The following IQCJ variants were observed in gnomAD, a reference collection of about 807,000 sequenced individuals.
The protein encoded by IQCJ is IQ domain-containing protein J.
IQCJ carries 9 observed loss-of-function variants against 11.0 expected under a neutral mutation model. The ratio of observed to expected loss-of-function variants is 0.82; its 90% CI spans 0.49 to 1.43. The LOEUF (loss-of-function observed/expected upper bound fraction) is 1.43. IQCJ is among the 40% of genes most tolerant of loss of function. The pLI, the probability that IQCJ is intolerant of heterozygous loss-of-function variation, is 0.00. For missense variants in IQCJ, 146 were observed against 133.2 expected, an observed-to-expected ratio of 1.10 and a Z score of -0.47; for synonymous variants, 55 against 51.3, an observed-to-expected ratio of 1.07 and a Z score of -0.31.
intron 1 of IQCJ, among the ~76,000 whole-genome samples, chr3:159,204,451 T>G (rs986975337): frequency 6.6e-6 from 1 of 152,230 alleles, no homozygotes; most frequent in South Asian, 2.1e-4. Flanking sequence ...ACAGTTGAAG[T>G]TGGCCAGTCA....
Position 159,121,015 on chromosome 3 carries a change from A to C in IQCJ, c.9+51574A>C, listed in dbSNP as rs370016308. On this transcript the variant is annotated intron_variant, in intron 1 of 3. Transcript: ENST00000397832. The stretch of plus-strand genomic sequence containing the variant: ...GTTAGTTGAGCCTGTCCCATTTAAC[A>C]AGTAGCTCTGAAGTCCCTTCTGGTA... Among the ~76,000 whole-genome samples, 3 of 152,302 alleles carry C rather than the reference A, an allele frequency of 2.0e-5. No homozygotes were observed. The East Asian group carries it at 5.8e-4, about 29-fold the overall frequency.
intron 1 of IQCJ, among the ~76,000 whole-genome samples, chr3:159,182,973 G>A (rs1379062986): frequency 1.3e-5 from 2 of 152,082 alleles, no homozygotes; most frequent in Non-Finnish European, 2.9e-5. Flanking sequence ...GACAATATGA[G>A]GGGTGGTCTC....
chr3:159,208,951 C>T (rs966580532), intron 1 of IQCJ, among the ~76,000 whole-genome samples: 1 of 152,082 alleles, frequency 6.6e-6, no homozygotes, highest in Admixed American at 6.5e-5. Flanking sequence ...CCAAGAAACA[C>T]CTGGAGCTGA....
chr3:159,095,161 C>T (rs1437084941), intron 1 of IQCJ, among the ~76,000 whole-genome samples: 1 of 151,806 alleles, frequency 6.6e-6, no homozygotes, highest in African/African-American at 2.4e-5. Context: ...CTAAAATACC[C>T]TTATACCTTA....
intron 1 of IQCJ, among the ~76,000 whole-genome samples, chr3:159,119,521 A>G (rs1350839802): frequency 1.3e-5 from 2 of 152,196 alleles, no homozygotes; most frequent in Non-Finnish European, 2.9e-5. Flanking sequence ...TTTTTCATAG[A>G]ACATTTGAAG....
At chr3:159,142,431 C>A (rs537573629) in intron 1 of IQCJ, among the ~76,000 whole-genome samples, 18 of 129,804 alleles carry the variant, frequency 1.4e-4, no homozygotes, top group Admixed American at 5.5e-4. Context: ...TTTCCCCCCC[C>A]CACCAGATGG....
At chr3:159,209,350 C>A (rs1273233112) in intron 1 of IQCJ, among the ~76,000 whole-genome samples, 2 of 152,102 alleles carry the variant, frequency 1.3e-5, no homozygotes, top group Admixed American at 6.5e-5. Flanking sequence ...TCGCACCATC[C>A]CCCTTCCGGC....
At chr3:159,211,189 T>C (rs190243486) in intron 1 of IQCJ, among the ~76,000 whole-genome samples, 1 of 152,044 alleles carries the variant, frequency 6.6e-6, no homozygotes, top group Non-Finnish European at 1.5e-5. Context: ...TTGGGGGAGG[T>C]ATTAAAAAAT....
rs193046131 is a variant in IQCJ at position 159,249,062 on chromosome 3, G to C, written c.74+3155G>C. Among the ~76,000 whole-genome samples, 421 of 152,172 alleles carry C rather than the reference G, an allele frequency of 2.8e-3. 1 individual carries two copies. Among genetic ancestry groups the C allele is most frequent in the African/African-American group, 9.7e-3 (404 of 41,506 alleles). Reference sequence around the variant, plus strand: ...GTAGAGACAGGGTTTCACCGTGTTAGCCAGGCTGGTCTCGAACTCCTGACC... The same window carrying C: ...GTAGAGACAGGGTTTCACCGTGTTACCCAGGCTGGTCTCGAACTCCTGACC... On this transcript the variant is annotated intron_variant, in intron 2 of 3. Coordinates refer to ENST00000397832, the MANE Select transcript of IQCJ (RefSeq NM_001042706.3).
At chr3:159,256,397 A>G (rs1727898859) in intron 3 of IQCJ, among the ~76,000 whole-genome samples, 1 of 152,204 alleles carries the variant, frequency 6.6e-6, no homozygotes, top group Admixed American at 6.5e-5. Flanking sequence ...GAGAGATAGC[A>G]TTCCCAAAAG....
At chr3:159,264,260 C>G (rs1349935355), downstream of IQCJ, among the ~76,000 whole-genome samples, 1 of 152,148 alleles carries the variant, frequency 6.6e-6, no homozygotes, top group Non-Finnish European at 1.5e-5. Flanking sequence ...TTTTATTGGA[C>G]TCCTATGAGA....
At chr3:159,179,261 A>G (rs1184960569) in intron 1 of IQCJ, among the ~76,000 whole-genome samples, 1 of 152,178 alleles carries the variant, frequency 6.6e-6, no homozygotes, top group East Asian at 1.9e-4. Flanking sequence ...TAAGAGGTTA[A>G]TAGTTTGGGA....
chr3:159,210,684 C>G (rs1202667674), intron 1 of IQCJ, among the ~76,000 whole-genome samples: 1 of 152,006 alleles, frequency 6.6e-6, no homozygotes, highest in Non-Finnish European at 1.5e-5. Context: ...TCACTTTTTT[C>G]TTTGAGACTG....
chr3:159,080,537 A>G (rs80329787), intron 1 of IQCJ, among the ~76,000 whole-genome samples: 1,883 of 152,290 alleles, frequency 0.012, 51 homozygotes, highest in African/African-American at 0.043. Flanking sequence ...AGGCATCTGA[A>G]TAATTGGTCT....
At chr3:159,131,181 T>A (rs1429434398) in intron 1 of IQCJ, among the ~76,000 whole-genome samples, 1 of 152,170 alleles carries the variant, frequency 6.6e-6, no homozygotes, top group Non-Finnish European at 1.5e-5. Flanking sequence ...GCTAGTTGTG[T>A]GACTCGGAGC....
chr3:159,069,587 G>T, intron 1 of IQCJ, 146 bp downstream of exon 1: 1 of 1,125,444 alleles, frequency 8.9e-7, no homozygotes, highest in Non-Finnish European at 1.2e-6. Context: ...TTAATTATTG[G>T]TCTAGGTGCG....
At chr3:159,245,148 A>G (rs1054849837) in intron 1 of IQCJ, among the ~76,000 whole-genome samples, 2 of 152,080 alleles carry the variant, frequency 1.3e-5, no homozygotes, top group African/African-American at 4.8e-5. Flanking sequence ...CACGTGGGCT[A>G]TGGAGAAGAG....
At chr3:159,126,604 G>C (rs1719690971) in intron 1 of IQCJ, among the ~76,000 whole-genome samples, 1 of 152,154 alleles carries the variant, frequency 6.6e-6, no homozygotes, top group Non-Finnish European at 1.5e-5. Flanking sequence ...CAATTTAACT[G>C]AACTGAATTA....
chr3:159,186,326 A>T (rs1008204672), intron 1 of IQCJ, among the ~76,000 whole-genome samples: 1 of 152,206 alleles, frequency 6.6e-6, no homozygotes, highest in Non-Finnish European at 1.5e-5. Flanking sequence ...TAGGTAGGTG[A>T]TGGCTGGATG....
Sources: gnomAD v4.1 joint callset for allele counts (sites outside exome capture counted in the v4.1 genomes callset) on GRCh38, gnomAD v4.1.1 for gene constraint, MANE v1.5 for transcripts, NCBI Gene and HGNC (gene_info 2026-07-23, HGNC 2026-07-21) for gene names.